The following NDC1 variants were observed in gnomAD, a reference collection of about 807,000 sequenced individuals.
The protein encoded by NDC1 is NDC1 transmembrane nucleoporin, also known as nucleoporin NDC1.
A neutral mutation model predicts 89.8 loss-of-function variants in NDC1; 24 were observed. The observed-to-expected ratio is 0.27, with a 90% confidence interval of 0.19 to 0.38. NDC1 has a LOEUF of 0.38. Ranked by LOEUF, NDC1 falls within the 10% of genes least tolerant of loss-of-function variation. The pLI, the probability that NDC1 is intolerant of heterozygous loss-of-function variation, is 1.00. For synonymous variants in NDC1, 296 were observed against 284.8 expected (o/e 1.04, Z -0.39); for missense variants, 728 against 797.6 (o/e 0.91, Z 1.05).
chr1:53,831,144 G>A (rs1332422608), intron 3 of NDC1, among the ~76,000 whole-genome samples: 2 of 151,258 alleles, frequency 1.3e-5, no homozygotes, highest in Non-Finnish European at 2.9e-5. Flanking sequence ...AGAACGGCGT[G>A]AACCTAGGAG....
At chr1:53,806,365 T>A in intron 9 of NDC1, 60 bp downstream of exon 9, 1 of 1,077,392 alleles carries the variant, frequency 9.3e-7, no homozygotes, top group Non-Finnish European at 1.3e-6. Flanking sequence ...TACTAAATAT[T>A]AAGTGTATTG....
chr1:53,794,165 G>A (rs527524684), intron 13 of NDC1, among the ~76,000 whole-genome samples: 141 of 151,890 alleles, frequency 9.3e-4, no homozygotes, highest in Non-Finnish European at 1.6e-3. Flanking sequence ...TAGTAGAGAT[G>A]GGGTTTTGCC....
At chr1:53,806,655 TAC>T (rs1648120588) in intron 8 of NDC1, 138 bp from the exon 9 acceptor site, 2 of 431,960 alleles carry the variant, frequency 4.6e-6, no homozygotes, top group Non-Finnish European at 7.8e-6. Flanking sequence ...AGGTTAAAGT[TAC>T]ATAAACCCAA....
intron 3 of NDC1, among the ~76,000 whole-genome samples, chr1:53,830,767 T>C (rs1570240048): frequency 6.8e-6 from 1 of 146,616 alleles, no homozygotes. Context: ...GAGGCTGAGG[T>C]AGGAGAATCG....
At chr1:53,785,658 T>C (rs929744940) in intron 16 of NDC1, among the ~76,000 whole-genome samples, 19 of 152,196 alleles carry the variant, frequency 1.2e-4, no homozygotes, top group African/African-American at 4.6e-4. Flanking sequence ...CTGCAACCTC[T>C]ACCTCCCGGG....
In NDC1 at chr1:53,796,755, A is replaced by G. The variant is rs1178353600; in HGVS notation, c.1518T>C (p.Ser506=). ...GTTGTCTCATTGTCTTACCCTCAGC[A>G]CTAATAGAGGTAGATGGAGAAGGAT... The part of the protein sequence containing the change: ...FSNPSPSTSI[S]AEGKTMRQPS... The change falls in exon 13 of 18, where the codon AGT becomes AGC. Residue 506 remains serine, a synonymous_variant. Transcript: ENST00000371429. 3.1e-6 allele frequency: 5 copies of G among 1,611,574 alleles called. No individual in the cohort carries two copies. The highest frequency in any genetic ancestry group is 1.7e-6 in the Non-Finnish European group (2 of 1,179,428).
intron 11 of NDC1, 51 bp from the exon 12 acceptor site, chr1:53,797,195 T>C (rs368240514): frequency 5.7e-6 from 9 of 1,580,268 alleles, no homozygotes; most frequent in South Asian, 1.2e-5. Context: ...CCAAGCAGGC[T>C]AGCAGCAACG....
At chr1:53,817,736 G>A (rs1230984724) in intron 6 of NDC1, among the ~76,000 whole-genome samples, 1 of 152,124 alleles carries the variant, frequency 6.6e-6, no homozygotes, top group Non-Finnish European at 1.5e-5. Flanking sequence ...TAAACTACAA[G>A]TGAAAGAAAT....
At chr1:53,801,845 CT>C (rs1647930277) in intron 10 of NDC1, among the ~76,000 whole-genome samples, 1 of 152,192 alleles carries the variant, frequency 6.6e-6, no homozygotes, top group South Asian at 2.1e-4. Flanking sequence ...CAACCTCTGC[CT>C]CTGGGGTTCA....
chr1:53,822,669 GATATTTAA>G lies in NDC1; in HGVS notation c.594+3121_594+3128del, dbSNP rs140134321. Reference sequence around the variant, plus strand: ...AAGGAAACATTCAATTTATCAATATGATATTTAAATATTTTATAATAAAAATATTATCA... The same window carrying G: ...AAGGAAACATTCAATTTATCAATATGATATTTTATAATAAAAATATTATCA... On this transcript the variant is annotated intron_variant, in intron 5 of 17. Coordinates refer to ENST00000371429, the MANE Select transcript of NDC1 (RefSeq NM_018087.5). Among the ~76,000 whole-genome samples the G allele has an allele frequency of 3.5e-3, 533 of 151,718 alleles. 18 individuals are homozygous for G. In the East Asian group the frequency reaches 0.076, roughly 22 times the overall value.
chr1:53,811,315 C>CA (rs1648298890), intron 6 of NDC1, among the ~76,000 whole-genome samples: 2 of 152,124 alleles, frequency 1.3e-5, no homozygotes, highest in Non-Finnish European at 2.9e-5. Flanking sequence ...GTGTAGACTC[C>CA]ACAGGTGGGG....
intron 8 of NDC1, 147 bp downstream of exon 8, chr1:53,807,509 T>C (rs1648151608): frequency 1.8e-6 from 1 of 546,060 alleles, no homozygotes. Flanking sequence ...TGGTTACAAA[T>C]GATATGGCCC....
rs540058429 is a variant in NDC1, at chr1:53,828,529, T to C, written c.281-356A>G. Among the ~76,000 whole-genome samples, 15 of 152,122 alleles carry C rather than the reference T, an allele frequency of 9.9e-5. No homozygotes were observed. The East Asian group carries it at 2.9e-3, about 29-fold the overall frequency. Reference sequence around the variant, plus strand: ...TTTTTTCATATATGGACTACTGTAATGGTCTTGCAGTGTGGGAGAGTGACT... The same window carrying C: ...TTTTTTCATATATGGACTACTGTAACGGTCTTGCAGTGTGGGAGAGTGACT... On this transcript the variant is annotated intron_variant, in intron 3 of 17. Transcript: ENST00000371429.
At chr1:53,799,059 C>T (rs941950803) in intron 11 of NDC1, among the ~76,000 whole-genome samples, 1 of 152,170 alleles carries the variant, frequency 6.6e-6, no homozygotes, top group African/African-American at 2.4e-5. Flanking sequence ...CCCAGAATTA[C>T]AATGATCTTT....
intron 16 of NDC1, among the ~76,000 whole-genome samples, chr1:53,781,647 C>T (rs2179869): frequency 2.0e-5 from 3 of 152,150 alleles, no homozygotes; most frequent in Non-Finnish European, 4.4e-5. Context: ...ACAATTGTTC[C>T]TTAGTAACAC....
intron 11 of NDC1, among the ~76,000 whole-genome samples, chr1:53,800,332 C>CTTTTTTTTTTTTT (rs1158363485): frequency 2.5e-5 from 2 of 80,646 alleles, no homozygotes; most frequent in Non-Finnish European, 4.5e-5. Context: ...CTACAGTCAT[C>CTTTTTTTTTTTTT]TTTTTTTTTT....
Position 53,809,279 on chromosome 1 carries a change from TATC to T in NDC1, c.755+413_755+415del, listed in dbSNP as rs997283050. Among the ~76,000 whole-genome samples the T allele has an allele frequency of 5.9e-5, 9 of 152,344 alleles. 1 individual carries two copies. The highest frequency in any genetic ancestry group is 1.9e-4 in the African/African-American group (8 of 41,578). On this transcript the variant is annotated intron_variant, in intron 7 of 17. Transcript: ENST00000371429. ...TATAAAAGCTGCATCTAAGAACAAT[TATC>T]ATTGCTTACTTCTGCGGAGAACTGG...
intron 14 of NDC1, among the ~76,000 whole-genome samples, chr1:53,792,481 C>T (rs1371731993): frequency 1.3e-5 from 2 of 152,128 alleles, no homozygotes; most frequent in Non-Finnish European, 2.9e-5. Context: ...CTCTTTTCCA[C>T]CAGAGTATGA....
At chr1:53,798,830 C>T (rs1373216058) in intron 11 of NDC1, among the ~76,000 whole-genome samples, 1 of 152,210 alleles carries the variant, frequency 6.6e-6, no homozygotes, top group African/African-American at 2.4e-5. Flanking sequence ...GCTGGAATTA[C>T]AGGTGTAAGC....
Sources: allele counts gnomAD v4.1 joint callset (sites outside exome capture counted in the v4.1 genomes callset), GRCh38; gene constraint gnomAD v4.1.1; transcripts MANE v1.5; gene names NCBI Gene and HGNC (gene_info 2026-07-23, HGNC 2026-07-21).